Variants in CYP2D6 observed in about 807,000 individuals in gnomAD.
CYP2D6 encodes the protein cytochrome P450 2D6.
In CYP2D6, 51 loss-of-function variants were observed where a neutral mutation model predicts 43.5. The ratio of observed to expected loss-of-function variants is 1.17; its 90% CI spans 0.94 to 1.48. CYP2D6 has a LOEUF of 1.48. CYP2D6 is among the 40% of genes most tolerant of loss of function. The pLI is 0.00. For missense variants in CYP2D6, 698 were observed against 688.0 expected (o/e 1.01, Z -0.16); for synonymous variants, 346 against 297.1 (o/e 1.16, Z -1.69).
Position 42,128,719 on chromosome 22 carries a change from C to T in CYP2D6, c.666+65G>A, listed in dbSNP as rs1931417338. On this transcript the variant is annotated intron_variant, in intron 4 of 8. Transcript: ENST00000645361. ...TGCAAATCCTGCTCTTCCGAGGCCC[C>T]AGTCCAGCCCCGGCACCTCTCGGGA... 3 of 1,547,688 alleles carry T rather than the reference C, an allele frequency of 1.9e-6. 1 individual carries two copies. In the South Asian group the frequency reaches 3.5e-5, roughly 18 times the overall value.
chr22:42,128,740 C>G, intron 4 of CYP2D6, 44 bp downstream of exon 4: 1 of 1,584,592 alleles, frequency 6.3e-7, no homozygotes, highest in Non-Finnish European at 8.6e-7. Flanking sequence ...CGGCACCTCT[C>G]GGGAGCTCGC....
At position 42,129,132 on chromosome 22, in the gene CYP2D6, C is replaced by T. The variant is rs61736512; in HGVS notation, c.406G>A (p.Val136Met). The change falls in exon 3 of 9, where the codon GTG (valine) becomes ATG (methionine). Residue 136 changes from valine to methionine, a missense_variant. Val to Met is a conservative substitution (Grantham distance 21, BLOSUM62 1). This residue lies in a region of CYP2D6 where 588 missense variants were observed against 521.1 expected (regional missense o/e 1.13). Coordinates refer to ENST00000645361, the MANE Select transcript of CYP2D6 (RefSeq NM_000106.6). ...PAWREQRRFS[V>M]STLRNLGLGK... Reference sequence around the variant, plus strand: ...AGGCCCAAGTTGCGCAAGGTGGACACGGAGAAGCGCCTCTGCTCGCGCCAC... The same window carrying T: ...AGGCCCAAGTTGCGCAAGGTGGACATGGAGAAGCGCCTCTGCTCGCGCCAC... 4.9e-3 allele frequency: 7,835 copies of T among 1,609,922 alleles called. 523 individuals are homozygous for T. In the African/African-American group the frequency reaches 0.091, roughly 19 times the overall value.
rs1931152316 is a variant in CYP2D6 at position 42,127,635 on chromosome 22, C to T, written c.986-1G>A. 6.2e-7 allele frequency: 1 copy of T among 1,610,946 alleles called. No homozygotes were observed. Among genetic ancestry groups the T allele is most frequent in the African/African-American group, 1.3e-5 (1 of 74,426 alleles). On this transcript the variant is annotated splice_acceptor_variant, in intron 6 of 8. Coordinates refer to ENST00000645361, the MANE Select transcript of CYP2D6 (RefSeq NM_000106.6). LOFTEE classifies it high-confidence loss of function. ...TCGTCGATCTCCTGTTGGACACGGC[C>T]TGGACAGACATGCGTCCCCACAATG...
intron 2 of CYP2D6, 164 bp from the exon 3 acceptor site, chr22:42,129,349 G>A: frequency 9.6e-7 from 1 of 1,041,226 alleles, no homozygotes; most frequent in Non-Finnish European, 1.4e-6. Context: ...CTTGGCTGGG[G>A]CAGGGCTTTG....
intron 4 of CYP2D6, among the ~76,000 whole-genome samples, 190 bp downstream of exon 4, chr22:42,128,594 C>T (rs544825251): frequency 1.3e-5 from 2 of 151,084 alleles, no homozygotes; most frequent in Admixed American, 1.3e-4. Context: ...CCCCCTGACC[C>T]GGGCACACCT....
chr22:42,130,053 C>T (rs1434538401), intron 1 of CYP2D6, 144 bp from the exon 2 acceptor site: 8 of 653,008 alleles, frequency 1.2e-5, no homozygotes, highest in South Asian at 1.9e-5. Context: ...GATCGTGGGG[C>T]GGGGGTGGGG....
In CYP2D6 at chr22:42,129,377, C is replaced by T. The variant is rs1434867771; in HGVS notation, c.353-192G>A. ...GGGCTTTGCCCCACCTCGTCTCTGC[C>T]CACCCTGACCGCCTTTGCACTCAGG... On this transcript the variant is annotated intron_variant, in intron 2 of 8. Coordinates refer to ENST00000645361, the MANE Select transcript of CYP2D6 (RefSeq NM_000106.6). 4 of 875,440 alleles carry T rather than the reference C, an allele frequency of 4.6e-6. No individual in the cohort carries two copies. The African/African-American group carries it at 5.0e-5, about 11-fold the overall frequency. The allele number at this position is 875,440 out of a possible 1,614,324, so 54.2% of individuals were successfully genotyped here. A position where few individuals can be genotyped will look rare whatever the true frequency, so the allele number is the denominator to read the frequency against.
In CYP2D6 at chr22:42,129,877, C is replaced by T. The variant is rs1196015181; in HGVS notation, c.213G>A (p.Leu71=). The part of the protein sequence containing the change: ...LRRRFGDVFS[L]QLAWTPVVVL... Reference sequence around the variant, plus strand: ...CGACCACCGGCGTCCAGGCCAGCTGCAGGCTGAACACGTCCCCGAAGCGGC... The same window carrying T: ...CGACCACCGGCGTCCAGGCCAGCTGTAGGCTGAACACGTCCCCGAAGCGGC... Residue 71 remains leucine, a synonymous_variant, in exon 2 of 9, where the codon CTG becomes CTA. Transcript: ENST00000645361. The T allele has an allele frequency of 6.3e-7, 1 of 1,592,210 alleles. No homozygotes were observed.
chr22:42,129,642 T>C (rs1022169160), intron 2 of CYP2D6, 96 bp downstream of exon 2: 2 of 1,522,236 alleles, frequency 1.3e-6, no homozygotes, highest in Non-Finnish European at 1.8e-6. Context: ...GCCTGTTTCA[T>C]GTCCACGACC....
chr22:42,128,985 C>G (rs1032479478), intron 3 of CYP2D6, 41 bp from the exon 4 acceptor site: 1 of 1,586,052 alleles, frequency 6.3e-7, no homozygotes, highest in Non-Finnish European at 8.6e-7. Context: ...CCTTCCCCGT[C>G]CCCCGCCTTC....
intron 2 of CYP2D6, 156 bp from the exon 3 acceptor site, chr22:42,129,341 T>A (rs1454981004): frequency 1.0e-5 from 11 of 1,086,290 alleles, no homozygotes; most frequent in Non-Finnish European, 1.4e-5. Context: ...CTTGCTCCCT[T>A]GGCTGGGGCA....
At chr22:42,130,125 G>A (rs1312738519) in intron 1 of CYP2D6, 1 of 560,494 alleles carries the variant, frequency 1.8e-6, no homozygotes, top group East Asian at 2.8e-5. Context: ...GACCTTGCAA[G>A]AGTCACCAAA....
intron 7 of CYP2D6, 142 bp downstream of exon 7, chr22:42,127,305 C>T: frequency 2.5e-6 from 3 of 1,196,150 alleles, no homozygotes; most frequent in South Asian, 2.8e-5. Flanking sequence ...CTGGACCCCC[C>T]ACCCAAGTGG....
chr22:42,128,219 C>T lies in CYP2D6; in HGVS notation c.798G>A (p.Gln266=), dbSNP rs1366332408. The change falls in exon 5 of 9, where the codon CAG becomes CAA. Residue 266 remains glutamine, a synonymous_variant. Coordinates refer to ENST00000645361, the MANE Select transcript of CYP2D6 (RefSeq NM_000106.6). The part of the protein sequence containing the change: ...TEHRMTWDPA[Q]PPRDLTEAFL... ...AGGCCTCAGTCAGGTCTCGGGGGGG[C>T]TGGGCTGGGTCCCAGGTCATCCTGT... The T allele has an allele frequency of 6.2e-7, 1 of 1,609,852 alleles. No homozygotes were observed. The highest frequency in any genetic ancestry group is 8.5e-7 in the Non-Finnish European group (1 of 1,177,656).
In CYP2D6 at chr22:42,128,534, G is replaced by A. The variant is rs977615609; in HGVS notation, c.667-184C>T. 2.3e-4 allele frequency among the ~76,000 whole-genome samples: 34 copies of A among 150,572 alleles called. 2 individuals carry two copies. Among genetic ancestry groups the A allele is most frequent in the Non-Finnish European group, 1.2e-4 (8 of 67,636 alleles). On this transcript the variant is annotated intron_variant, in intron 4 of 8. Coordinates refer to ENST00000645361, the MANE Select transcript of CYP2D6 (RefSeq NM_000106.6). ...TTGCCCAGAGGAGAAACCTAAAATC[G>A]AAATCTCTGACGTGGATAGGAGGTA...
Position 42,128,230 on chromosome 22 carries a change from C to A in CYP2D6, c.787G>T (p.Asp263Tyr). The change falls in exon 5 of 9, where the codon GAC (aspartate) becomes TAC (tyrosine). Residue 263 changes from aspartate to tyrosine, a missense_variant. Coordinates refer to ENST00000645361, the MANE Select transcript of CYP2D6 (RefSeq NM_000106.6). ...AGGTCTCGGGGGGGCTGGGCTGGGTCCCAGGTCATCCTGTGCTCAGTTAGC... is the reference window on the plus strand; with the variant it reads ...AGGTCTCGGGGGGGCTGGGCTGGGTACCAGGTCATCCTGTGCTCAGTTAGC... ...ELLTEHRMTW[D>Y]PAQPPRDLTE... 1 of 1,610,310 alleles carries A rather than the reference C, an allele frequency of 6.2e-7. No homozygotes were observed. The highest frequency in any genetic ancestry group is 8.5e-7 in the Non-Finnish European group (1 of 1,177,872).
intron 2 of CYP2D6, 108 bp from the exon 3 acceptor site, chr22:42,129,293 G>C: frequency 7.2e-7 from 1 of 1,389,812 alleles, no homozygotes; most frequent in East Asian, 2.4e-5. Flanking sequence ...CCCTGGCTCT[G>C]TCCAGCTGGT....
At position 42,126,619 on chromosome 22, in the gene CYP2D6, G is replaced by C. The variant is rs28371736; in HGVS notation, c.1449C>G (p.Phe483Leu). The C allele has an allele frequency of 2.5e-6, 4 of 1,607,786 alleles. No homozygotes were observed. Among genetic ancestry groups the C allele is most frequent in the Non-Finnish European group, 3.4e-6 (4 of 1,176,980 alleles). Residue 483 changes from phenylalanine to leucine, a missense_variant, in exon 9 of 9, where the codon TTC becomes TTG. Transcript: ENST00000645361. ...GCTCATAGGGGGATGGGCTCACCAG[G>C]AAAGCAAAGACACCATGGTGGCTGG... ...PRPSHHGVFA[F>L]LVSPSPYELC...
rs548264542 is a variant in CYP2D6 at position 42,126,763 on chromosome 22, G to T, written c.1316-11C>A. 1.9e-3 allele frequency: 2,943 copies of T among 1,547,138 alleles called. 53 individuals carry two copies. The Middle Eastern group carries it at 0.02, about 11-fold the overall frequency. ...GGCATGCACGGCGGCCTGTGGGGAG[G>T]GGAGGGGCGTCAGTGAGCCTGGCTC... On this transcript the variant is annotated splice_polypyrimidine_tract_variant and intron_variant, in intron 8 of 8. Transcript: ENST00000645361.
Sources: gnomAD v4.1 joint callset for allele counts (sites outside exome capture counted in the v4.1 genomes callset) on GRCh38, gnomAD v4.1.1 for gene constraint, gnomAD v4.1.1 regional missense constraint, MANE v1.5 for transcripts, NCBI Gene and HGNC (gene_info 2026-07-23, HGNC 2026-07-21) for gene names.